Variants in EXOC4 observed in about 807,000 individuals in gnomAD.
EXOC4 encodes exocyst complex component 4.
A neutral mutation model predicts 107.2 loss-of-function variants in EXOC4; 71 were observed. The observed-to-expected ratio is 0.66, with a 90% CI of 0.55 to 0.81. The LOEUF is 0.81. Among genes scored for constraint, EXOC4 ranks in the 30% least tolerant of loss-of-function variants. EXOC4 has a pLI of 0.00. For missense variants in EXOC4, 1,108 were observed against 1,189.6 expected, an observed-to-expected ratio of 0.93 and a Z score of 1.01; for synonymous variants, 456 against 441.2, an observed-to-expected ratio of 1.03 and a Z score of -0.42.
At chr7:133,512,720 G>C (rs1176706593) in intron 9 of EXOC4, among the ~76,000 whole-genome samples, 1 of 152,198 alleles carries the variant, frequency 6.6e-6, no homozygotes, top group East Asian at 1.9e-4. Context: ...ATTCTGCGCT[G>C]TGGTTAAGCG....
intron 10 of EXOC4, among the ~76,000 whole-genome samples, chr7:133,765,046 A>G (rs1029039854): frequency 5.3e-5 from 8 of 152,098 alleles, no homozygotes; most frequent in African/African-American, 1.9e-4. Flanking sequence ...GAAAATTTCT[A>G]CAACCAATGA....
At chr7:134,047,851 G>T (rs565986633) in intron 17 of EXOC4, among the ~76,000 whole-genome samples, 1 of 152,278 alleles carries the variant, frequency 6.6e-6, no homozygotes, top group African/African-American at 2.4e-5. Context: ...GGTTCTTCCT[G>T]CCTGCTGCAC....
At chr7:134,081,831 TTGAGG>T in the EXOC4 span, among the ~76,000 whole-genome samples, 1 of 152,144 alleles carries the variant, frequency 6.6e-6, no homozygotes, top group Non-Finnish European at 1.5e-5. Context: ...GATGATAAAC[TTGAGG>T]CACTTGTGGG....
the EXOC4 span, among the ~76,000 whole-genome samples, chr7:134,074,956 A>G: frequency 2.0e-5 from 3 of 152,228 alleles, no homozygotes; most frequent in Non-Finnish European, 2.9e-5. Context: ...TAGAGAATCA[A>G]TGTGAGGGCT....
intron 11 of EXOC4, among the ~76,000 whole-genome samples, chr7:133,849,578 G>A (rs1021140357): frequency 3.3e-5 from 5 of 152,046 alleles, no homozygotes; most frequent in African/African-American, 4.8e-5. Context: ...TAACTGACTC[G>A]TGAAAGTCCT....
intron 14 of EXOC4, among the ~76,000 whole-genome samples, chr7:133,956,964 C>T (rs1029226945): frequency 8.6e-5 from 13 of 151,750 alleles, no homozygotes; most frequent in Non-Finnish European, 4.4e-5. Flanking sequence ...GTGTATTTTC[C>T]ACGTGATAAT....
intron 9 of EXOC4, among the ~76,000 whole-genome samples, chr7:133,585,857 C>A (rs73446929): frequency 0.33 from 49,380 of 151,736 alleles, 8,224 homozygotes; most frequent in South Asian, 0.45. Context: ...CCACACCCAG[C>A]TAATTTTTTG....
intron 11 of EXOC4, among the ~76,000 whole-genome samples, chr7:133,867,955 A>G (rs1340888890): frequency 2.6e-5 from 4 of 152,218 alleles, no homozygotes; most frequent in Admixed American, 1.3e-4. Context: ...AACCAGCGTG[A>G]ATCTGAGGTT....
intron 10 of EXOC4, among the ~76,000 whole-genome samples, chr7:133,706,713 C>T (rs183192378): frequency 6.6e-6 from 1 of 152,110 alleles, no homozygotes; most frequent in Non-Finnish European, 1.5e-5. Context: ...GTGTTTTATA[C>T]TTAGAGCACA....
intron 3 of EXOC4, among the ~76,000 whole-genome samples, chr7:133,289,793 T>A (rs1794362680): frequency 6.6e-6 from 1 of 152,192 alleles, no homozygotes; most frequent in Non-Finnish European, 1.5e-5. Context: ...AGAGGGCTGC[T>A]CTTTCTCCCT....
At chr7:133,781,897 C>T (rs1403676564) in intron 10 of EXOC4, among the ~76,000 whole-genome samples, 1 of 121,100 alleles carries the variant, frequency 8.3e-6, no homozygotes, top group African/African-American at 3.2e-5. Flanking sequence ...AGACCTGCCG[C>T]ATAATCAGTG....
At chr7:133,425,285 AC>A (rs1409012417) in intron 7 of EXOC4, among the ~76,000 whole-genome samples, 1 of 152,010 alleles carries the variant, frequency 6.6e-6, no homozygotes, top group Non-Finnish European at 1.5e-5. Context: ...CAGCCAAGAC[AC>A]TTTTTTTGTT....
chr7:133,861,193 G>C (rs1187546650), intron 11 of EXOC4, among the ~76,000 whole-genome samples: 2 of 152,124 alleles, frequency 1.3e-5, no homozygotes, highest in African/African-American at 4.8e-5. Context: ...AACCCCAAAG[G>C]GTTTTCAGGA....
At chr7:133,626,483 A>G (rs1407145455) in intron 9 of EXOC4, among the ~76,000 whole-genome samples, 2 of 152,182 alleles carry the variant, frequency 1.3e-5, no homozygotes, top group Non-Finnish European at 2.9e-5. Context: ...TGACAAATGC[A>G]GTATAGATGG....
intron 17 of EXOC4, among the ~76,000 whole-genome samples, chr7:134,040,025 G>A (rs1178583131): frequency 1.3e-5 from 2 of 152,030 alleles, no homozygotes; most frequent in Non-Finnish European, 2.9e-5. Context: ...CCTCTCTATG[G>A]CTCACCCATC....
Position 133,937,030 on chromosome 7 carries a change from C to T in EXOC4, c.2028-861C>T, listed in dbSNP as rs1051822869. ...AAAGAGAGCTGTGGAAATTAGGAAGCCTGAGTCCTAGCTTTGCCACTCATG... is the reference window on the plus strand; with the variant it reads ...AAAGAGAGCTGTGGAAATTAGGAAGTCTGAGTCCTAGCTTTGCCACTCATG... On this transcript the variant is annotated intron_variant, in intron 13 of 17. Transcript: ENST00000253861. Among the ~76,000 whole-genome samples, 6 of 152,178 alleles carry T rather than the reference C, an allele frequency of 3.9e-5. 1 individual carries two copies. Among genetic ancestry groups the T allele is most frequent in the African/African-American group, 1.4e-4 (6 of 41,424 alleles).
intron 7 of EXOC4, among the ~76,000 whole-genome samples, chr7:133,437,332 T>C (rs1324786489): frequency 6.6e-6 from 1 of 152,218 alleles, no homozygotes; most frequent in Non-Finnish European, 1.5e-5. Flanking sequence ...AAATGGACTG[T>C]AAGCTCCCTG....
At chr7:133,456,791 T>C in intron 7 of EXOC4, among the ~76,000 whole-genome samples, 1 of 152,204 alleles carries the variant, frequency 6.6e-6, no homozygotes, top group East Asian at 1.9e-4. Context: ...AAGATACTTG[T>C]GGTGTGTAGC....
intron 1 of EXOC4, among the ~76,000 whole-genome samples, chr7:133,271,017 C>G (rs960232971): frequency 6.6e-6 from 1 of 150,458 alleles, no homozygotes; most frequent in Non-Finnish European, 1.5e-5. Context: ...CTCCTGGGTT[C>G]AAGTGATTCT....
Sources: gnomAD v4.1 joint callset for allele counts (sites outside exome capture counted in the v4.1 genomes callset) on GRCh38, gnomAD v4.1.1 for gene constraint, MANE v1.5 for transcripts, NCBI Gene and HGNC (gene_info 2026-07-23, HGNC 2026-07-21) for gene names.